NT5DC1: variants seen among roughly 807,000 people sequenced by gnomAD.
The protein encoded by NT5DC1 is 5'-nucleotidase domain-containing protein 1.
A neutral mutation model predicts 59.4 loss-of-function variants in NT5DC1; 42 were observed. The observed-to-expected ratio is 0.71, with a 90% CI of 0.55 to 0.92. NT5DC1 has a LOEUF of 0.92. NT5DC1 is among the 40% of genes least tolerant of loss of function. The pLI, the probability that NT5DC1 is intolerant of heterozygous loss-of-function variation, is 0.00. For missense variants in NT5DC1, 501 were observed against 537.1 expected, an observed-to-expected ratio of 0.93 and a Z score of 0.66; for synonymous variants, 172 against 188.1, an observed-to-expected ratio of 0.91 and a Z score of 0.70.
At chr6:116,218,987 C>A (rs1405269037) in intron 6 of NT5DC1, among the ~76,000 whole-genome samples, 1 of 152,122 alleles carries the variant, frequency 6.6e-6, no homozygotes, top group Admixed American at 6.6e-5. Flanking sequence ...TAGTCAGTGA[C>A]TTAATCAGAA....
At chr6:116,162,754 GC>G (rs1311386496) in intron 6 of NT5DC1, among the ~76,000 whole-genome samples, 1 of 152,006 alleles carries the variant, frequency 6.6e-6, no homozygotes, top group African/African-American at 2.4e-5. Context: ...TGTTATCCTT[GC>G]TGGATCTTGT....
At chr6:116,112,975 G>A (rs1400872945) in intron 4 of NT5DC1, among the ~76,000 whole-genome samples, 10 of 152,218 alleles carry the variant, frequency 6.6e-5, no homozygotes. Flanking sequence ...ACTGAGGGAT[G>A]TAGAGATGTT....
At chr6:116,121,703 CG>C (rs1179040682) in intron 6 of NT5DC1, 1 of 1,613,504 alleles carries the variant, frequency 6.2e-7, no homozygotes, top group East Asian at 2.2e-5. Context: ...TGGTGGGCCC[CG>C]GGGTCCTGGT....
chr6:116,200,469 A>G (rs1380827534), intron 6 of NT5DC1, among the ~76,000 whole-genome samples: 1 of 152,030 alleles, frequency 6.6e-6, no homozygotes, highest in Admixed American at 6.6e-5. Context: ...AAAGATATTG[A>G]TAGGGAAATT....
chr6:116,145,861 G>C (rs1320784581), intron 6 of NT5DC1, among the ~76,000 whole-genome samples: 2 of 152,070 alleles, frequency 1.3e-5, no homozygotes, highest in Non-Finnish European at 2.9e-5. Flanking sequence ...GATACTTTCT[G>C]AACTTGTTTT....
chr6:116,101,350 G>C (rs944819899), intron 1 of NT5DC1, among the ~76,000 whole-genome samples: 7 of 152,186 alleles, frequency 4.6e-5, no homozygotes, highest in Admixed American at 4.6e-4. Flanking sequence ...AGGGGGACTA[G>C]GGCTGTCCTT....
At chr6:116,154,787 C>T (rs562211334) in intron 6 of NT5DC1, among the ~76,000 whole-genome samples, 2 of 152,162 alleles carry the variant, frequency 1.3e-5, no homozygotes, top group Admixed American at 6.5e-5. Context: ...GATTTGTTTA[C>T]GCCTCAGGAT....
At chr6:116,153,611 G>A (rs1780107784) in intron 6 of NT5DC1, among the ~76,000 whole-genome samples, 1 of 152,068 alleles carries the variant, frequency 6.6e-6, no homozygotes, top group Non-Finnish European at 1.5e-5. Flanking sequence ...ACCTCTATTA[G>A]GTACCTAGTT....
At chr6:116,190,481 G>A (rs9488867) in intron 6 of NT5DC1, among the ~76,000 whole-genome samples, 5,240 of 152,018 alleles carry the variant, frequency 0.034, 282 homozygotes, top group African/African-American at 0.11. Flanking sequence ...ACAGAAGTTA[G>A]CGGCAGTGGT....
intron 7 of NT5DC1, among the ~76,000 whole-genome samples, chr6:116,221,733 G>A (rs1014500206): frequency 1.3e-5 from 2 of 152,106 alleles, no homozygotes; most frequent in African/African-American, 2.4e-5. Flanking sequence ...TTCAAGCCCC[G>A]CTCTGCAGTT....
intron 11 of NT5DC1, among the ~76,000 whole-genome samples, chr6:116,241,418 A>G (rs571895842): frequency 4.6e-5 from 7 of 152,348 alleles, no homozygotes; most frequent in African/African-American, 1.4e-4. Flanking sequence ...TGGCATATAT[A>G]TGCCAGAGTG....
chr6:116,189,037 T>A (rs1303717007), intron 6 of NT5DC1, among the ~76,000 whole-genome samples: 2 of 151,970 alleles, frequency 1.3e-5, no homozygotes, highest in Non-Finnish European at 2.9e-5. Context: ...AGAAGTTGTA[T>A]CCTTGTATAT....
chr6:116,153,613 T>G (rs1780107868), intron 6 of NT5DC1, among the ~76,000 whole-genome samples: 1 of 152,178 alleles, frequency 6.6e-6, no homozygotes, highest in Non-Finnish European at 1.5e-5. Context: ...CTCTATTAGG[T>G]ACCTAGTTAG....
At chr6:116,183,086 A>G (rs1045620875) in intron 6 of NT5DC1, among the ~76,000 whole-genome samples, 18 of 152,062 alleles carry the variant, frequency 1.2e-4, no homozygotes, top group Admixed American at 1.0e-3. Flanking sequence ...TCGTTCTTCT[A>G]CATGTGGCTT....
At chr6:116,105,559 G>T (rs1468530990) in intron 1 of NT5DC1, among the ~76,000 whole-genome samples, 2 of 152,142 alleles carry the variant, frequency 1.3e-5, no homozygotes, top group Non-Finnish European at 2.9e-5. Context: ...TGTTTGGTAT[G>T]TACAGTTCTT....
chr6:116,235,321 A>C (rs1782095426), intron 8 of NT5DC1, among the ~76,000 whole-genome samples: 1 of 152,184 alleles, frequency 6.6e-6, no homozygotes, highest in Non-Finnish European at 1.5e-5. Flanking sequence ...CTCCAGGAAT[A>C]TGCTGAATCT....
intron 8 of NT5DC1, among the ~76,000 whole-genome samples, chr6:116,232,770 T>G (rs917286930): frequency 6.6e-6 from 1 of 152,200 alleles, no homozygotes; most frequent in Non-Finnish European, 1.5e-5. Context: ...AAAACTTTAC[T>G]GTTTTTTAAA....
intron 6 of NT5DC1, among the ~76,000 whole-genome samples, chr6:116,135,396 G>GT (rs1779564572): frequency 6.6e-6 from 1 of 151,562 alleles, no homozygotes; most frequent in South Asian, 2.1e-4. Context: ...TTTTTTTTCT[G>GT]TAGCATCCAT....
At chr6:116,118,214 AT>A in intron 6 of NT5DC1, 1 of 422,612 alleles carries the variant, frequency 2.4e-6, no homozygotes, top group Non-Finnish European at 4.3e-6. Flanking sequence ...GTTCCCTAGA[AT>A]TGAAGTCCAG....
Sources: allele counts gnomAD v4.1 joint callset (sites outside exome capture counted in the v4.1 genomes callset), GRCh38; gene constraint gnomAD v4.1.1; transcripts MANE v1.5; gene names NCBI Gene and HGNC (gene_info 2026-07-23, HGNC 2026-07-21).